Variants in PLA2R1 observed in about 807,000 individuals in gnomAD.
PLA2R1 encodes phospholipase A2 receptor 1.
Under a neutral mutation model 195.9 loss-of-function variants are expected in PLA2R1, and 158 were observed. The observed-to-expected ratio is 0.81, with a 90% CI of 0.71 to 0.92. The LOEUF (loss-of-function observed/expected upper bound fraction) is 0.92, where lower values mean the gene tolerates loss of function less well. Ranked by LOEUF, PLA2R1 falls within the 40% of genes least tolerant of loss-of-function variation. The pLI is 0.00. For missense variants in PLA2R1, 1,626 were observed against 1,764.6 expected, an observed-to-expected ratio of 0.92 and a Z score of 1.41; for synonymous variants, 586 against 598.2, an observed-to-expected ratio of 0.98 and a Z score of 0.30.
chr2:160,019,685 G>A (rs764187020), intron 8 of PLA2R1, among the ~76,000 whole-genome samples: 3 of 152,012 alleles, frequency 2.0e-5, no homozygotes, highest in South Asian at 2.1e-4. Flanking sequence ...CATCTCTTAC[G>A]ACCTCCTCAC....
intron 15 of PLA2R1, among the ~76,000 whole-genome samples, 160 bp from the exon 16 acceptor site, chr2:159,976,880 A>C (rs1429023641): frequency 6.6e-6 from 1 of 152,236 alleles, no homozygotes; most frequent in African/African-American, 2.4e-5. Context: ...GAGTTCTCAC[A>C]CTTGAAGAGG....
At chr2:160,053,373 C>A (rs1695338174) in intron 1 of PLA2R1, among the ~76,000 whole-genome samples, 1 of 150,276 alleles carries the variant, frequency 6.7e-6, no homozygotes, top group African/African-American at 2.5e-5. Context: ...CAATTCAGAT[C>A]ATAACCATCC....
chr2:159,989,489 C>T (rs945594858), intron 11 of PLA2R1, among the ~76,000 whole-genome samples: 1 of 152,148 alleles, frequency 6.6e-6, no homozygotes, highest in Non-Finnish European at 1.5e-5. Flanking sequence ...ACAGCACAGG[C>T]AGGAAACCTC....
chr2:160,038,389 C>T (rs1028350646), intron 3 of PLA2R1, among the ~76,000 whole-genome samples: 6 of 152,160 alleles, frequency 3.9e-5, no homozygotes, highest in Admixed American at 6.5e-5. Context: ...TGCTACTTTG[C>T]GTTTCTAGCA....
chr2:159,977,733 T>A (rs56265955), intron 14 of PLA2R1, among the ~76,000 whole-genome samples: 7 of 152,038 alleles, frequency 4.6e-5, no homozygotes, highest in East Asian at 1.9e-4. Flanking sequence ...CTCAGGAGAT[T>A]GAGACCATCC....
Position 160,045,011 on chromosome 2 carries a change from C to G in PLA2R1, c.256G>C (p.Gly86Arg), listed in dbSNP as rs774034995. The G allele has an allele frequency of 5.0e-6, 8 of 1,614,186 alleles. No homozygotes were observed. In the Admixed American group the frequency reaches 1.3e-4, roughly 27 times the overall value. ...AAATTCAGGCCCAGGCAACCACTGC[C>G]TCCTATGTTAAAGAGGCCATGGTTT... ...VSNHGLFNIGGSGCLGLNFSA... is the reference protein window; with the variant it reads ...VSNHGLFNIGRSGCLGLNFSA... The change falls in exon 2 of 30, where the codon GGC (glycine) becomes CGC (arginine). Residue 86 changes from glycine to arginine, a missense_variant. Coordinates refer to ENST00000283243, the MANE Select transcript of PLA2R1 (RefSeq NM_007366.5).
At chr2:159,953,637 T>G (rs962925838) in intron 23 of PLA2R1, among the ~76,000 whole-genome samples, 3 of 152,228 alleles carry the variant, frequency 2.0e-5, no homozygotes, top group African/African-American at 7.2e-5. Context: ...CCATGTGTGG[T>G]AGGCACTCCG....
At position 159,974,115 on chromosome 2, in the gene PLA2R1, C is replaced by G. The variant is rs140699719; in HGVS notation, c.2595+1953G>C. 2.4e-3 allele frequency among the ~76,000 whole-genome samples: 359 copies of G among 152,258 alleles called. 2 individuals are homozygous for G. The highest frequency in any genetic ancestry group is 7.8e-3 in the African/African-American group (326 of 41,552). On this transcript the variant is annotated intron_variant, in intron 17 of 29. Coordinates refer to ENST00000283243, the MANE Select transcript of PLA2R1 (RefSeq NM_007366.5). ...AGCTCTGTTGGAAAGATCAAAGAAG[C>G]CCTTCATTGTTCATGTCTGAGACGA...
intron 12 of PLA2R1, among the ~76,000 whole-genome samples, chr2:159,985,845 C>T (rs781729206): frequency 2.0e-5 from 3 of 152,140 alleles, no homozygotes; most frequent in Non-Finnish European, 2.9e-5. Flanking sequence ...CCAGCTCTTC[C>T]TCTTTTTCTT....
chr2:159,967,763 G>A (rs995630066), intron 19 of PLA2R1, 85 bp from the exon 20 acceptor site: 38 of 1,072,718 alleles, frequency 3.5e-5, no homozygotes, highest in Admixed American at 5.4e-5. Context: ...TTTTTATGAG[G>A]CTATGGTTTT....
chr2:160,027,952 C>T (rs907265747), intron 6 of PLA2R1, among the ~76,000 whole-genome samples: 2 of 152,092 alleles, frequency 1.3e-5, no homozygotes, highest in Non-Finnish European at 2.9e-5. Flanking sequence ...TACAGAATGA[C>T]TAACAGTGCA....
intron 3 of PLA2R1, among the ~76,000 whole-genome samples, chr2:160,040,693 T>C (rs1694470634): frequency 6.6e-6 from 1 of 152,188 alleles, no homozygotes; most frequent in African/African-American, 2.4e-5. Context: ...CCAAGTTCCT[T>C]AAAGGGAGGA....
chr2:159,953,439 G>T (rs762252171), intron 23 of PLA2R1, among the ~76,000 whole-genome samples: 5 of 152,192 alleles, frequency 3.3e-5, no homozygotes, highest in Non-Finnish European at 7.4e-5. Context: ...TAGTGTAGTT[G>T]AACAATACTT....
chr2:160,024,716 G>T (rs531743388), intron 6 of PLA2R1, among the ~76,000 whole-genome samples: 114 of 152,282 alleles, frequency 7.5e-4, no homozygotes, highest in African/African-American at 2.7e-3. Context: ...GCATCCAAGG[G>T]AAACAGCATT....
At position 160,006,160 on chromosome 2, in the gene PLA2R1, T is replaced by C. The variant is rs114850881; in HGVS notation, c.1665-339A>G. ...TTGGAGTACGATGTGGCCTATTTTG[T>C]AATTAGGCCACACACCACACACACC... On this transcript the variant is annotated intron_variant, in intron 10 of 29. Transcript: ENST00000283243. 4.9e-3 allele frequency among the ~76,000 whole-genome samples: 742 copies of C among 152,246 alleles called. 3 individuals are homozygous for C. The highest frequency in any genetic ancestry group is 0.017 in the African/African-American group (703 of 41,536).
chr2:160,026,012 C>T (rs1477806184), intron 6 of PLA2R1, among the ~76,000 whole-genome samples: 1 of 152,110 alleles, frequency 6.6e-6, no homozygotes, highest in Non-Finnish European at 1.5e-5. Flanking sequence ...ACTATAGTTG[C>T]TCTTGTCACA....
chr2:159,949,533 C>A, intron 25 of PLA2R1, 75 bp downstream of exon 25: 1 of 1,073,628 alleles, frequency 9.3e-7, no homozygotes, highest in Non-Finnish European at 1.4e-6. Context: ...ATCCTCATAT[C>A]CTTTGCTTAG....
At chr2:160,010,921 C>T (rs753014995) in intron 10 of PLA2R1, among the ~76,000 whole-genome samples, 26 of 152,164 alleles carry the variant, frequency 1.7e-4, no homozygotes, top group Non-Finnish European at 3.2e-4. Context: ...ACACATCCTG[C>T]TCATCTGTAC....
At chr2:159,946,562 G>T in intron 27 of PLA2R1, 1 of 1,178,470 alleles carries the variant, frequency 8.5e-7, no homozygotes, top group Non-Finnish European at 1.0e-6. Flanking sequence ...TCCTGCTAAG[G>T]GTAAAGATAA....
Sources: gnomAD v4.1 joint callset for allele counts (sites outside exome capture counted in the v4.1 genomes callset) on GRCh38, gnomAD v4.1.1 for gene constraint, MANE v1.5 for transcripts, NCBI Gene and HGNC (gene_info 2026-07-23, HGNC 2026-07-21) for gene names.